Variants in FTO observed in about 807,000 individuals in gnomAD.
FTO encodes the protein alpha-ketoglutarate-dependent dioxygenase FTO.
In FTO, 47 loss-of-function variants were observed where a neutral mutation model predicts 63.9. The observed-to-expected ratio is 0.74, with a 90% confidence interval of 0.58 to 0.94. FTO has a LOEUF of 0.94. Ranked by LOEUF, FTO falls within the 40% of genes least tolerant of loss-of-function variation. The pLI, the probability that FTO is intolerant of heterozygous loss-of-function variation, is 0.00. For missense variants in FTO, 562 were observed against 618.1 expected, an observed-to-expected ratio of 0.91 and a Z score of 0.96; for synonymous variants, 207 against 224.4, an observed-to-expected ratio of 0.92 and a Z score of 0.69.
At chr16:53,913,783 A>G (rs1258811405) in intron 7 of FTO, among the ~76,000 whole-genome samples, 1 of 152,104 alleles carries the variant, frequency 6.6e-6, no homozygotes, top group Non-Finnish European at 1.5e-5. Context: ...GTTCAAGACC[A>G]GCTTGGCCAA....
chr16:54,079,158 TAGGTAAA>T (rs2086076839), intron 8 of FTO, among the ~76,000 whole-genome samples: 1 of 152,190 alleles, frequency 6.6e-6, no homozygotes, highest in Admixed American at 6.6e-5. Context: ...AAAAGACAGA[TAGGTAAA>T]AAATAATCTG....
chr16:53,882,945 G>T (rs530538376), intron 6 of FTO, among the ~76,000 whole-genome samples: 2 of 152,116 alleles, frequency 1.3e-5, no homozygotes, highest in African/African-American at 4.8e-5. Context: ...AGTCTGACTT[G>T]CTGCCCTTCA....
chr16:53,878,842 C>T (rs951727828), intron 5 of FTO, among the ~76,000 whole-genome samples: 2 of 152,348 alleles, frequency 1.3e-5, no homozygotes, highest in Admixed American at 1.3e-4. Flanking sequence ...TGTGTCCTTG[C>T]TGAGGCCCAG....
At chr16:53,890,410 A>G (rs2081116497) in intron 7 of FTO, among the ~76,000 whole-genome samples, 1 of 152,142 alleles carries the variant, frequency 6.6e-6, no homozygotes, top group African/African-American at 2.4e-5. Flanking sequence ...TGTCTTATTT[A>G]TTATAATTAT....
At chr16:53,773,090 T>C (rs1567973906) in intron 1 of FTO, among the ~76,000 whole-genome samples, 1 of 77,762 alleles carries the variant, frequency 1.3e-5, no homozygotes, top group Non-Finnish European at 2.4e-5. Context: ...GATTTATTTA[T>C]TTATTTTTTT....
At chr16:53,716,549 A>G (rs114899667) in intron 1 of FTO, among the ~76,000 whole-genome samples, 158 of 152,228 alleles carry the variant, frequency 1.0e-3, no homozygotes, top group African/African-American at 3.5e-3. Flanking sequence ...ATGATTTAAT[A>G]TATGTAAAGC....
At chr16:53,980,254 T>A (rs1334418442) in intron 8 of FTO, among the ~76,000 whole-genome samples, 4 of 152,206 alleles carry the variant, frequency 2.6e-5, no homozygotes, top group Non-Finnish European at 5.9e-5. Flanking sequence ...GCTATTGGGC[T>A]CCTTTTACCG....
chr16:53,813,156 C>T (rs973423967), intron 2 of FTO, among the ~76,000 whole-genome samples: 115 of 152,152 alleles, frequency 7.6e-4, no homozygotes, highest in African/African-American at 2.7e-3. Flanking sequence ...TTCCAAGGCC[C>T]GCAACAAACC....
intron 1 of FTO, among the ~76,000 whole-genome samples, chr16:53,742,965 A>G (rs972016036): frequency 2.0e-5 from 3 of 152,048 alleles, no homozygotes; most frequent in African/African-American, 7.2e-5. Flanking sequence ...TCTTCTGATT[A>G]CTCCAGTGTG....
intron 8 of FTO, among the ~76,000 whole-genome samples, chr16:54,018,258 C>G (rs2084498150): frequency 6.6e-6 from 1 of 152,118 alleles, no homozygotes; most frequent in East Asian, 1.9e-4. Context: ...TACATACTGA[C>G]AAACTCTCTC....
intron 8 of FTO, among the ~76,000 whole-genome samples, chr16:53,975,210 T>G (rs912697711): frequency 6.6e-6 from 1 of 151,532 alleles, no homozygotes; most frequent in Non-Finnish European, 1.5e-5. Context: ...ATTGTAAGTT[T>G]TTTTTTTTTT....
At position 53,888,845 on chromosome 16, in the gene FTO, G is replaced by A; in HGVS notation, c.1133G>A (p.Trp378Ter). The change falls in exon 7 of 9, where the codon TGG becomes TAG. Residue 378 changes from tryptophan to a stop codon, truncating the protein, a stop_gained. Coordinates refer to ENST00000471389, the MANE Select transcript of FTO (RefSeq NM_001080432.3). LOFTEE classifies it high-confidence loss of function. The stretch of plus-strand genomic sequence containing the variant: ...TATGGTCCACAGGTCGAGTTTGAGT[G>A]GCTGAGGCAGTTTTGGTTTCAAGGC... ...EEIHNEVEFE[W>*]LRQFWFQGNR... 2 of 1,614,052 alleles carry A rather than the reference G, an allele frequency of 1.2e-6. No homozygotes were observed. Among genetic ancestry groups the A allele is most frequent in the Non-Finnish European group, 1.7e-6 (2 of 1,179,930 alleles).
rs946245333 is a variant in FTO, at chr16:53,903,298, G to A, written c.1239+14347G>A. Among the ~76,000 whole-genome samples, 9 of 144,828 alleles carry A rather than the reference G, an allele frequency of 6.2e-5. 1 individual carries two copies. In the South Asian group the frequency reaches 6.7e-4, roughly 11 times the overall value. ...CCTTGAGACGGAGTCTTCCTCTGTT[G>A]CCCAGGCTGGAGTGCAATGGTGCAA... On this transcript the variant is annotated intron_variant, in intron 7 of 8. Coordinates refer to ENST00000471389, the MANE Select transcript of FTO (RefSeq NM_001080432.3).
At chr16:54,076,169 T>C (rs745526355) in intron 8 of FTO, among the ~76,000 whole-genome samples, 4 of 152,222 alleles carry the variant, frequency 2.6e-5, no homozygotes, top group African/African-American at 7.2e-5. Flanking sequence ...TTATAGTGTG[T>C]TTAAAATACT....
At chr16:53,747,844 T>C (rs2076684248) in intron 1 of FTO, among the ~76,000 whole-genome samples, 1 of 152,186 alleles carries the variant, frequency 6.6e-6, no homozygotes, top group Non-Finnish European at 1.5e-5. Context: ...TTTTAGTATA[T>C]GGTGTGAGAT....
chr16:54,062,415 G>A (rs1475265859), intron 8 of FTO, among the ~76,000 whole-genome samples: 2 of 152,144 alleles, frequency 1.3e-5, no homozygotes, highest in African/African-American at 4.8e-5. Context: ...CTGAAGAGGA[G>A]GGAGGACCCA....
intron 1 of FTO, among the ~76,000 whole-genome samples, chr16:53,713,432 C>T (rs1296716189): frequency 6.6e-6 from 1 of 152,106 alleles, no homozygotes; most frequent in Admixed American, 6.6e-5. Flanking sequence ...AAAAACACAC[C>T]TTAGAGAAGG....
At chr16:53,785,228 A>G (rs147190290) in intron 1 of FTO, among the ~76,000 whole-genome samples, 24 of 152,308 alleles carry the variant, frequency 1.6e-4, no homozygotes, top group African/African-American at 5.3e-4. Context: ...GCAGAGTGCC[A>G]GTGCATATGA....
In FTO at chr16:54,062,870, A is replaced by G. The variant is rs1234077147; in HGVS notation, c.1365-48892A>G. Among the ~76,000 whole-genome samples the G allele has an allele frequency of 4.0e-5, 6 of 151,666 alleles. No homozygotes were observed. The South Asian group carries it at 8.3e-4, about 21-fold the overall frequency. The stretch of plus-strand genomic sequence containing the variant: ...ACCACTCACCTGCAGTGACAAATAG[A>G]TAGTCATGAAGGATTGGAAATCCTG... On this transcript the variant is annotated intron_variant, in intron 8 of 8. Transcript: ENST00000471389.
Sources: gnomAD v4.1 joint callset for allele counts (sites outside exome capture counted in the v4.1 genomes callset) on GRCh38, gnomAD v4.1.1 for gene constraint, MANE v1.5 for transcripts, NCBI Gene and HGNC (gene_info 2026-07-23, HGNC 2026-07-21) for gene names.